Variants in MMP26 observed in about 807,000 individuals in gnomAD.
MMP26 encodes matrix metallopeptidase 26, also known as matrix metalloproteinase-26.
Under a neutral mutation model 31.0 loss-of-function variants are expected in MMP26, and 33 were observed. The observed-to-expected ratio is 1.06, with a 90% CI of 0.81 to 1.42. The LOEUF (loss-of-function observed/expected upper bound fraction) is 1.42, where lower values mean the gene tolerates loss of function less well. MMP26 is among the 40% of genes most tolerant of loss of function. The pLI is 0.00. For synonymous variants in MMP26, 122 were observed against 114.9 expected, an observed-to-expected ratio of 1.06 and a Z score of -0.40; for missense variants, 347 against 316.1, an observed-to-expected ratio of 1.10 and a Z score of -0.74.
chr11:4,715,556 A>G (rs912357347), intron 1 of MMP26, among the ~76,000 whole-genome samples: 1 of 152,210 alleles, frequency 6.6e-6, no homozygotes, highest in Non-Finnish European at 1.5e-5. Flanking sequence ...AGAACTTGCT[A>G]TATTTGGTAG....
At chr11:4,786,493 CT>C (rs66987352) in intron 2 of MMP26, among the ~76,000 whole-genome samples, 1,955 of 60,240 alleles carry the variant, frequency 0.032, 61 homozygotes, top group East Asian at 0.096. Context: ...TCTGCTGATC[CT>C]TTTTTTTTTT....
intron 1 of MMP26, among the ~76,000 whole-genome samples, chr11:4,729,421 G>GA (rs1249034701): frequency 1.3e-5 from 2 of 152,124 alleles, no homozygotes; most frequent in Non-Finnish European, 2.9e-5. Context: ...GAAATGTGGA[G>GA]AAAATGCAAC....
At chr11:4,784,045 C>T (rs1345312869) in intron 2 of MMP26, among the ~76,000 whole-genome samples, 1 of 152,134 alleles carries the variant, frequency 6.6e-6, no homozygotes, top group Non-Finnish European at 1.5e-5. Flanking sequence ...TTTTATTGCT[C>T]ACAACTCTGA....
chr11:4,771,173 G>A (rs551846182), intron 2 of MMP26, among the ~76,000 whole-genome samples: 1 of 152,298 alleles, frequency 6.6e-6, no homozygotes, highest in East Asian at 1.9e-4. Context: ...TTTATAAACG[G>A]AGGTTAAAAA....
At chr11:4,783,048 GA>G (rs1356785046) in intron 2 of MMP26, among the ~76,000 whole-genome samples, 1 of 152,224 alleles carries the variant, frequency 6.6e-6, no homozygotes, top group Non-Finnish European at 1.5e-5. Context: ...ATGTGGGGTT[GA>G]AGTCCCCACA....
rs1036712430 is a variant in MMP26 at position 4,950,443 on chromosome 11, T to C, written c.-144-37625T>C. The stretch of plus-strand genomic sequence containing the variant: ...AAGCCAGGCACAGAAAGACAAACAC[T>C]GCATGTTCTCACTTAGATGTGGAAT... On this transcript the variant is annotated intron_variant, in intron 2 of 7. Transcript: ENST00000380390. Among the ~76,000 whole-genome samples the C allele has an allele frequency of 7.5e-5, 9 of 120,668 alleles. 3 individuals carry two copies. The highest frequency in any genetic ancestry group is 2.5e-4 in the South Asian group (1 of 3,986). 79.2% of individuals were successfully genotyped at this position (120,668 alleles called of 152,430 possible).
intron 1 of MMP26, chr11:4,719,650 T>C (rs546965812): frequency 1.3e-5 from 2 of 152,374 alleles, no homozygotes; most frequent in Admixed American, 1.3e-4. Context: ...GACTCAGGCT[T>C]GTATTTAAAG....
intron 2 of MMP26, among the ~76,000 whole-genome samples, chr11:4,934,765 A>C (rs1014234306): frequency 1.3e-5 from 2 of 149,520 alleles, no homozygotes; most frequent in African/African-American, 4.9e-5. Flanking sequence ...AGGTGTATGG[A>C]AGGGATCCAG....
chr11:4,982,090 T>G (rs1234582770), intron 2 of MMP26, among the ~76,000 whole-genome samples: 1 of 151,786 alleles, frequency 6.6e-6, no homozygotes, highest in Non-Finnish European at 1.5e-5. Context: ...ACACACAATA[T>G]ACATACATAC....
intron 2 of MMP26, among the ~76,000 whole-genome samples, chr11:4,963,778 T>C (rs1846553410): frequency 6.6e-6 from 1 of 152,134 alleles, no homozygotes; most frequent in Admixed American, 6.5e-5. Context: ...CCAGCATCTG[T>C]TGGTTTTTAA....
At chr11:4,787,637 A>G (rs1363150661) in intron 2 of MMP26, 1 of 152,230 alleles carries the variant, frequency 6.6e-6, no homozygotes, top group Non-Finnish European at 1.5e-5. Context: ...CATCATATAT[A>G]GTGTGAAGAC....
chr11:4,825,512 T>C (rs149712841), intron 2 of MMP26, among the ~76,000 whole-genome samples: 1 of 152,124 alleles, frequency 6.6e-6, no homozygotes, highest in Non-Finnish European at 1.5e-5. Context: ...GAGTTGGATG[T>C]CCCAATCTGA....
chr11:4,847,550 C>T (rs1849890021), intron 2 of MMP26: 1 of 152,186 alleles, frequency 6.6e-6, no homozygotes, highest in Non-Finnish European at 1.5e-5. Flanking sequence ...GTGATCAGAT[C>T]AGGGTGATTA....
chr11:4,786,505 T>C (rs1272042156), intron 2 of MMP26, among the ~76,000 whole-genome samples: 21 of 120,774 alleles, frequency 1.7e-4, no homozygotes, highest in Admixed American at 1.7e-3. Flanking sequence ...TTTTTTTTTT[T>C]TTTTTTTTTT....
At position 4,722,019 on chromosome 11, in the gene MMP26, T is replaced by C. The variant is rs146562857; in HGVS notation, c.-217+16974T>C. Among the ~76,000 whole-genome samples, 329 of 152,348 alleles carry C rather than the reference T, an allele frequency of 2.2e-3. 1 individual carries two copies. The highest frequency in any genetic ancestry group is 7.6e-3 in the African/African-American group (314 of 41,584). ...TCCCCAATGGGTCACATCTTCCTTT[T>C]GCTCCAACCGTGTGAAGTGCATTGT... On this transcript the variant is annotated intron_variant, in intron 1 of 7. Transcript: ENST00000380390.
At chr11:4,926,240 A>G (rs1050846542) in intron 2 of MMP26, among the ~76,000 whole-genome samples, 29 of 152,166 alleles carry the variant, frequency 1.9e-4, no homozygotes, top group African/African-American at 6.5e-4. Context: ...AAAGGGATAT[A>G]AAGAACGATG....
chr11:4,842,615 T>A (rs1172152175), intron 2 of MMP26, among the ~76,000 whole-genome samples: 4 of 152,174 alleles, frequency 2.6e-5, no homozygotes, highest in African/African-American at 9.7e-5. Flanking sequence ...GGTCCCTCTC[T>A]CCACGTTGGG....
chr11:4,723,286 G>C (rs1483144770), intron 1 of MMP26: 4 of 1,025,890 alleles, frequency 3.9e-6, no homozygotes, highest in East Asian at 2.4e-5. Flanking sequence ...TGTGCGCTGC[G>C]GGTCATCCTC....
chr11:4,883,822 G>A (rs1445037554), intron 2 of MMP26, among the ~76,000 whole-genome samples: 3 of 152,072 alleles, frequency 2.0e-5, no homozygotes, highest in Non-Finnish European at 2.9e-5. Context: ...TCAGGCACAG[G>A]GTTGTTAGGG....
Sources: gnomAD v4.1 joint callset for allele counts (sites outside exome capture counted in the v4.1 genomes callset) on GRCh38, gnomAD v4.1.1 for gene constraint, MANE v1.5 for transcripts, NCBI Gene and HGNC (gene_info 2026-07-23, HGNC 2026-07-21) for gene names.